The following HIVEP3 variants were observed in gnomAD, a reference collection of about 807,000 sequenced individuals.
HIVEP3 encodes HIVEP zinc finger 3, also known as transcription factor HIVEP3.
In HIVEP3, 49 loss-of-function variants were observed where a neutral mutation model predicts 152.8. That is an observed-to-expected ratio of 0.32 (90% CI 0.26 to 0.41). The LOEUF is 0.41. Among genes scored for constraint, HIVEP3 ranks in the 10% least tolerant of loss-of-function variants. The probability of loss-of-function intolerance (pLI) is 1.00; values close to 1 mark genes in which losing one functional copy is unlikely to be tolerated. For missense variants in HIVEP3, 2,790 were observed against 3,103.3 expected (o/e 0.90, Z 2.40); for synonymous variants, 1,269 against 1,289.0 (o/e 0.98, Z 0.33).
intron 1 of HIVEP3, among the ~76,000 whole-genome samples, chr1:41,705,591 G>C (rs1445188264): frequency 2.0e-5 from 3 of 152,210 alleles, no homozygotes; most frequent in Non-Finnish European, 4.4e-5. Context: ...ATGTAAAAGA[G>C]CAGGGGGTGC....
At chr1:41,694,481 G>A (rs917927159) in intron 2 of HIVEP3, among the ~76,000 whole-genome samples, 10 of 152,216 alleles carry the variant, frequency 6.6e-5, no homozygotes, top group Non-Finnish European at 1.5e-4. Flanking sequence ...GTGAATGAAA[G>A]ACATCCTCCT....
intron 1 of HIVEP3, among the ~76,000 whole-genome samples, chr1:42,010,604 T>C (rs1194348298): frequency 6.6e-6 from 1 of 152,172 alleles, no homozygotes; most frequent in Admixed American, 6.5e-5. Flanking sequence ...GACTTTCCTT[T>C]CTACCCTCTG....
chr1:41,667,866 GC>G (rs565648220), intron 2 of HIVEP3, among the ~76,000 whole-genome samples: 18 of 151,662 alleles, frequency 1.2e-4, no homozygotes, highest in African/African-American at 2.4e-4. Context: ...CAATAAAGAA[GC>G]CCCCCCCAAG....
At chr1:41,634,121 T>TAA (rs11337584) in intron 2 of HIVEP3, among the ~76,000 whole-genome samples, 3 of 142,004 alleles carry the variant, frequency 2.1e-5, no homozygotes, top group Admixed American at 6.9e-5. Context: ...CATCTTTTCT[T>TAA]AAAAAAAAAA....
chr1:41,852,202 G>A (rs778943721), intron 1 of HIVEP3, among the ~76,000 whole-genome samples: 47 of 152,228 alleles, frequency 3.1e-4, no homozygotes, highest in Non-Finnish European at 5.7e-4. Context: ...AGGCTGCTGC[G>A]TGGGAGCCCC....
At position 41,582,047 on chromosome 1, in the gene HIVEP3, T is replaced by C; in HGVS notation, c.2751A>G (p.Ser917=). 2 of 1,614,148 alleles carry C rather than the reference T, an allele frequency of 1.2e-6. No individual in the cohort carries two copies. Among genetic ancestry groups the C allele is most frequent in the Non-Finnish European group, 1.7e-6 (2 of 1,180,024 alleles). Residue 917 remains serine (S), a synonymous_variant, in exon 4 of 9, where the codon TCA becomes TCG. Coordinates refer to ENST00000372583, the MANE Select transcript of HIVEP3 (RefSeq NM_024503.5). The surrounding 1 kb of genome is among the most constrained non-coding windows in gnomAD (Gnocchi z 4.7). ...RLRLAEMAQS[S]GESSFESSVP... Reference sequence around the variant, plus strand: ...CAGAGGACTCGAAGCTGGACTCCCCTGATGATTGGGCCATCTCTGCCAGGC... The same window carrying C: ...CAGAGGACTCGAAGCTGGACTCCCCCGATGATTGGGCCATCTCTGCCAGGC...
chr1:41,649,430 C>T (rs1287657006), intron 2 of HIVEP3, among the ~76,000 whole-genome samples: 1 of 152,254 alleles, frequency 6.6e-6, no homozygotes, highest in Non-Finnish European at 1.5e-5. Context: ...CAACAGGCCA[C>T]ACTGCAAGAA....
chr1:41,642,129 T>C (rs762730574), intron 2 of HIVEP3, among the ~76,000 whole-genome samples: 8 of 152,324 alleles, frequency 5.3e-5, no homozygotes, highest in South Asian at 2.1e-4. Context: ...CATCCTCTCT[T>C]GTGTGAACCA....
intron 2 of HIVEP3, among the ~76,000 whole-genome samples, chr1:41,678,901 T>C (rs547342509): frequency 1.6e-4 from 24 of 152,346 alleles, no homozygotes; most frequent in African/African-American, 5.3e-4. Flanking sequence ...CCTATCACCA[T>C]GGCCAGATGT....
chr1:41,671,308 G>A lies in HIVEP3; in HGVS notation c.-721+29608C>T, dbSNP rs79506882. On this transcript the variant is annotated intron_variant, in intron 2 of 8. Coordinates refer to ENST00000372583, the MANE Select transcript of HIVEP3 (RefSeq NM_024503.5). The stretch of plus-strand genomic sequence containing the variant: ...CAGATGCAAGAAGCAGATCCGCTCC[G>A]AAGCCTAGATGAAGTCGCAGTTAGC... Among the ~76,000 whole-genome samples, 50 of 152,352 alleles carry A rather than the reference G, an allele frequency of 3.3e-4. 1 individual carries two copies. In the East Asian group the frequency reaches 8.3e-3, roughly 25 times the overall value.
At position 41,658,299 on chromosome 1, in the gene HIVEP3, G is replaced by A. The variant is rs188876404; in HGVS notation, c.-720-29352C>T. ...TTAATGGCAATTATTCCCAAACAGC[G>A]TGATGTTTATAAAAAGGACTTTGGA... On this transcript the variant is annotated intron_variant, in intron 2 of 8. Coordinates refer to ENST00000372583, the MANE Select transcript of HIVEP3 (RefSeq NM_024503.5). 1.8e-4 allele frequency among the ~76,000 whole-genome samples: 28 copies of A among 152,280 alleles called. No individual in the cohort carries two copies. In the East Asian group the frequency reaches 2.5e-3, roughly 14 times the overall value.
At chr1:41,681,496 T>C (rs1318807949) in intron 2 of HIVEP3, among the ~76,000 whole-genome samples, 11 of 152,186 alleles carry the variant, frequency 7.2e-5, no homozygotes, top group Admixed American at 7.2e-4. Flanking sequence ...CGGCAGAACA[T>C]ACTAAAGTGC....
intron 1 of HIVEP3, among the ~76,000 whole-genome samples, chr1:41,880,103 A>G (rs1644237674): frequency 6.6e-6 from 1 of 152,092 alleles, no homozygotes; most frequent in Non-Finnish European, 1.5e-5. Flanking sequence ...TCTGTTGCTC[A>G]AGCTGGAGTG....
Position 41,824,060 on chromosome 1 carries a change from C to T in HIVEP3, c.-801+94353G>A, listed in dbSNP as rs549069322. Among the ~76,000 whole-genome samples the T allele has an allele frequency of 4.7e-4, 72 of 152,306 alleles. 1 individual carries two copies. Among genetic ancestry groups the T allele is most frequent in the African/African-American group, 1.7e-3 (71 of 41,562 alleles). On this transcript the variant is annotated intron_variant, in intron 1 of 8. Coordinates refer to ENST00000372583, the MANE Select transcript of HIVEP3 (RefSeq NM_024503.5). ...CATTGTGTAGGACTTTTCAGTGTTTCAAGCACTTTCATACTAATCTAGCTT... is the reference window on the plus strand; with the variant it reads ...CATTGTGTAGGACTTTTCAGTGTTTTAAGCACTTTCATACTAATCTAGCTT...
chr1:41,914,186 T>C (rs2124467921), intron 1 of HIVEP3, among the ~76,000 whole-genome samples: 1 of 152,342 alleles, frequency 6.6e-6, no homozygotes, highest in South Asian at 2.1e-4. Flanking sequence ...TTTCCAACTG[T>C]GAAACCTCCC....
At chr1:41,742,474 C>A (rs1647011677) in intron 1 of HIVEP3, among the ~76,000 whole-genome samples, 1 of 152,260 alleles carries the variant, frequency 6.6e-6, no homozygotes, top group Non-Finnish European at 1.5e-5. Flanking sequence ...CTCCCAGCAT[C>A]TGGCTTGCTC....
chr1:41,758,562 T>A (rs538403673), intron 1 of HIVEP3, among the ~76,000 whole-genome samples: 2 of 152,304 alleles, frequency 1.3e-5, no homozygotes, highest in South Asian at 4.1e-4. Flanking sequence ...GGAACCCAAG[T>A]CTCTGGGGAC....
intron 6 of HIVEP3, among the ~76,000 whole-genome samples, chr1:41,522,800 C>T (rs766656600): frequency 2.6e-5 from 4 of 152,046 alleles, no homozygotes; most frequent in Non-Finnish European, 5.9e-5. Context: ...TCCAGTCTCA[C>T]GCGGCAGAGT....
chr1:41,963,538 G>T (rs1181917873), intron 1 of HIVEP3, among the ~76,000 whole-genome samples: 2 of 151,458 alleles, frequency 1.3e-5, no homozygotes, highest in Non-Finnish European at 2.9e-5. Context: ...GGAGCGGCGA[G>T]GGGGGAGGGA....
Sources: gnomAD v4.1 joint callset for allele counts (sites outside exome capture counted in the v4.1 genomes callset) on GRCh38, gnomAD v4.1.1 for gene constraint, Gnocchi (gnomAD v3.1) non-coding constraint, MANE v1.5 for transcripts, NCBI Gene and HGNC (gene_info 2026-07-23, HGNC 2026-07-21) for gene names.